SLC27A5: variants seen among roughly 807,000 people sequenced by gnomAD.
SLC27A5 encodes solute carrier family 27 member 5, also known as long-chain fatty acid transport protein 5.
Under a neutral mutation model 63.1 loss-of-function variants are expected in SLC27A5, and 47 were observed. The observed-to-expected ratio is 0.74, with a 90% CI of 0.59 to 0.95. The LOEUF is 0.95. Ranked by LOEUF, SLC27A5 falls within the 40% of genes least tolerant of loss-of-function variation. The pLI is 0.00. For missense variants in SLC27A5, 940 were observed against 921.0 expected, an observed-to-expected ratio of 1.02 and a Z score of -0.27; for synonymous variants, 391 against 403.8, an observed-to-expected ratio of 0.97 and a Z score of 0.38.
intron 4 of SLC27A5, 102 bp downstream of exon 4, chr19:58,501,184 A>T: frequency 1.4e-6 from 2 of 1,455,468 alleles, no homozygotes; most frequent in South Asian, 2.6e-5. Flanking sequence ...GAGGTGTATT[A>T]TCTGAGGGAC....
intron 8 of SLC27A5, 39 bp downstream of exon 8, chr19:58,499,084 A>G (rs761090069): frequency 2.4e-5 from 39 of 1,610,534 alleles, no homozygotes; most frequent in Middle Eastern, 1.6e-4. Flanking sequence ...CCCTCCACCC[A>G]CAAAGCTGTT....
intron 6 of SLC27A5, 89 bp downstream of exon 6, chr19:58,500,250 G>T: frequency 8.8e-7 from 1 of 1,136,804 alleles, no homozygotes; most frequent in Non-Finnish European, 1.3e-6. Context: ...GAGCACCAAC[G>T]TCAAGCTTTT....
At chr19:58,504,581 G>GCA (rs2053321461) in intron 3 of SLC27A5, among the ~76,000 whole-genome samples, 3 of 121,162 alleles carry the variant, frequency 2.5e-5, no homozygotes, top group Non-Finnish European at 3.5e-5. Context: ...CCTGGGGGGG[G>GCA]GGGGGGGGCG....
At chr19:58,503,268 G>GATGA (rs898749277) in intron 3 of SLC27A5, among the ~76,000 whole-genome samples, 3 of 151,740 alleles carry the variant, frequency 2.0e-5, no homozygotes, top group Non-Finnish European at 4.4e-5. Flanking sequence ...TGGGTGGGTG[G>GATGA]ATGAATGAAT....
Position 58,499,679 on chromosome 19 carries a change from G to T in SLC27A5, c.1480C>A (p.Leu494Met). 6.2e-7 allele frequency: 1 copy of T among 1,611,700 alleles called. No individual in the cohort carries two copies. The change falls in exon 7 of 10, where the codon CTG becomes ATG. Residue 494 changes from leucine (L) to methionine (M), a missense_variant. Transcript: ENST00000263093. ...CIPVGLGEPG[L>M]LLTKVVSQQP... ...TGGCTTACCACCTTGGTCAGCAGCAGCCCCGGCTCCCCTGGGGTAGGAGCA... is the reference window on the plus strand; with the variant it reads ...TGGCTTACCACCTTGGTCAGCAGCATCCCCGGCTCCCCTGGGGTAGGAGCA...
chr19:58,511,641 C>A lies in SLC27A5; in HGVS notation c.315G>T (p.Arg105Ser). 1 of 1,601,042 alleles carries A rather than the reference C, an allele frequency of 6.2e-7. No individual in the cohort carries two copies. Among genetic ancestry groups the A allele is most frequent in the South Asian group, 1.1e-5 (1 of 89,108 alleles). ...CAGGCGGCTGCCGGCTCAAGCATCC[C>A]CTGATCTTCAGGCCCAGGTGGAGGA... ...AKILHLGLKI[R>S]GCLSRQPPDT... The change falls in exon 1 of 10, where the codon AGG becomes AGT. Residue 105 changes from arginine to serine, a missense_variant. By Grantham distance (110) the Arg-to-Ser change is moderately radical. Coordinates refer to ENST00000263093, the MANE Select transcript of SLC27A5 (RefSeq NM_012254.3).
chr19:58,510,043 T>C, intron 2 of SLC27A5, 38 bp from the exon 3 acceptor site: 9 of 1,600,020 alleles, frequency 5.6e-6, no homozygotes, highest in Middle Eastern at 1.8e-4. Flanking sequence ...GGTGGTGACA[T>C]GACAGCACAG....
At chr19:58,507,551 A>G (rs377044843) in intron 3 of SLC27A5, 2 of 152,226 alleles carry the variant, frequency 1.3e-5, no homozygotes, top group East Asian at 3.8e-4. Flanking sequence ...ATCAGCGCAC[A>G]TTGAAAAAGA....
Position 58,499,494 on chromosome 19 carries a change from G to A in SLC27A5, c.1665C>T (p.Phe555=). 9.9e-6 allele frequency: 16 copies of A among 1,612,974 alleles called. No homozygotes were observed. Among genetic ancestry groups the A allele is most frequent in the African/African-American group, 1.3e-5 (1 of 75,056 alleles). ...CCCCGAGAAACCCTGCCTCGGACCG[G>A]AAGGTGTCCCCGAGGCGGTCGCGGA... ...LYFRDRLGDT[F]RWKGENVSTH... The change falls in exon 7 of 10, where the codon TTC becomes TTT. Residue 555 remains phenylalanine (F), a splice_region_variant and synonymous_variant. Transcript: ENST00000263093.
Position 58,499,620 on chromosome 19 carries a change from C to T in SLC27A5, c.1539G>A (p.Glu513=). The change falls in exon 7 of 10, where the codon GAG becomes GAA. Residue 513 remains glutamate (E), a synonymous_variant. Coordinates refer to ENST00000263093, the MANE Select transcript of SLC27A5 (RefSeq NM_012254.3). ...TGCGCACCAGCTTCCGTTCCGACAG[C>T]TCTCGGGGGCCGCGGTAGCCCACGA... ...QPFVGYRGPR[E]LSERKLVRNV... is the part of the protein sequence containing the mutation. 1.9e-6 allele frequency: 3 copies of T among 1,612,978 alleles called. No homozygotes were observed. In the South Asian group the frequency reaches 3.3e-5, roughly 18 times the overall value.
intron 3 of SLC27A5, chr19:58,507,398 C>T (rs902933324): frequency 7.2e-5 from 11 of 152,130 alleles, no homozygotes; most frequent in African/African-American, 2.7e-4. Flanking sequence ...AAATAATACT[C>T]TTATAATTTC....
rs1472174282 is a variant in SLC27A5, at chr19:58,498,480, G to A, written c.*35C>T. The A allele has an allele frequency of 6.3e-7, 1 of 1,578,858 alleles. No homozygotes were observed. Among genetic ancestry groups the A allele is most frequent in the South Asian group, 1.2e-5 (1 of 86,758 alleles). On this transcript the variant is annotated 3_prime_UTR_variant, in exon 10 of 10. Coordinates refer to ENST00000263093, the MANE Select transcript of SLC27A5 (RefSeq NM_012254.3). ...GAGTGTGTTGGGGTGGGGGTGGCTG[G>A]CTTTGATCCCTACCCCAGTGGGTTG...
At chr19:58,501,696 C>T (rs1304892440) in intron 3 of SLC27A5, among the ~76,000 whole-genome samples, 1 of 152,188 alleles carries the variant, frequency 6.6e-6, no homozygotes, top group African/African-American at 2.4e-5. Flanking sequence ...ATTTTTGAGA[C>T]GGAGTCTCGC....
Position 58,509,999 on chromosome 19 carries a change from G to C in SLC27A5, c.905C>G (p.Pro302Arg). The C allele has an allele frequency of 2.5e-6, 4 of 1,612,918 alleles. No homozygotes were observed. The highest frequency in any genetic ancestry group is 3.4e-6 in the Non-Finnish European group (4 of 1,179,454). Residue 302 changes from proline (P) to arginine (R), a missense_variant, in exon 3 of 10, where the codon CCG becomes CGG. Physicochemically the swap from Pro to Arg is moderately radical, Grantham distance 103. Coordinates refer to ENST00000263093, the MANE Select transcript of SLC27A5 (RefSeq NM_012254.3). ...FIYTSGTTGLPKPAILTHERV... is the reference protein window; with the variant it reads ...FIYTSGTTGLRKPAILTHERV... ...CTCATGCGTGAGGATGGCTGGCTTC[G>C]GGAGGCCTTGGGATGAAGGCATGGC...
intron 3 of SLC27A5, chr19:58,509,621 C>T (rs1391123349): frequency 9.0e-6 from 4 of 442,360 alleles, no homozygotes; most frequent in Non-Finnish European, 1.6e-5. Context: ...GACCATCACT[C>T]GTATCAGGTC....
At chr19:58,505,960 G>T (rs1233043239) in intron 3 of SLC27A5, among the ~76,000 whole-genome samples, 1 of 151,490 alleles carries the variant, frequency 6.6e-6, no homozygotes, top group Non-Finnish European at 1.5e-5. Flanking sequence ...AGACCAGCCT[G>T]GCCAACATGG....
intron 6 of SLC27A5, 127 bp from the exon 7 acceptor site, chr19:58,499,817 G>T: frequency 1.2e-6 from 1 of 820,064 alleles, no homozygotes; most frequent in Non-Finnish European, 1.9e-6. Context: ...GACACAGACA[G>T]GGAGATCCAG....
At chr19:58,510,557 G>C (rs926520483) in intron 2 of SLC27A5, 164 bp downstream of exon 2, 1 of 643,980 alleles carries the variant, frequency 1.6e-6, no homozygotes, top group Non-Finnish European at 2.6e-6. Flanking sequence ...CTAGGCGACA[G>C]AGCGAGACTC....
At position 58,511,290 on chromosome 19, in the gene SLC27A5, G is replaced by C; in HGVS notation, c.666C>G (p.Ala222=). 1 of 1,553,714 alleles carries C rather than the reference G, an allele frequency of 6.4e-7. No homozygotes were observed. The highest frequency in any genetic ancestry group is 1.9e-5 in the Admixed American group (1 of 53,804). The change falls in exon 1 of 10, where the codon GCC becomes GCG. Residue 222 remains alanine, a synonymous_variant. Coordinates refer to ENST00000263093, the MANE Select transcript of SLC27A5 (RefSeq NM_012254.3). ...PLAHSVLSSG[A]RVLVVDPDLR... is the part of the protein sequence containing the mutation. The stretch of plus-strand genomic sequence containing the variant: ...CACCTGGGTCCACCACCAGCACCCG[G>C]GCCCCAGAGCTCAGCACAGAGTGCG...
Sources: gnomAD v4.1 joint callset for allele counts (sites outside exome capture counted in the v4.1 genomes callset) on GRCh38, gnomAD v4.1.1 for gene constraint, MANE v1.5 for transcripts, NCBI Gene and HGNC (gene_info 2026-07-23, HGNC 2026-07-21) for gene names.